RGS6: variants seen among roughly 807,000 people sequenced by gnomAD.
RGS6 encodes the protein regulator of G-protein signaling 6.
RGS6 carries 30 observed loss-of-function variants against 78.5 expected under a neutral mutation model. That is an observed-to-expected ratio of 0.38 (90% CI 0.29 to 0.52). RGS6 has a LOEUF of 0.52. RGS6 is among the 20% of genes least tolerant of loss of function. The pLI, the probability that RGS6 is intolerant of heterozygous loss-of-function variation, is 0.85. For synonymous variants in RGS6, 206 were observed against 206.0 expected (o/e 1.00, Z 0.00); for missense variants, 495 against 609.7 (o/e 0.81, Z 1.98).
At chr14:72,629,711 G>C in the RGS6 span, 2 of 1,536,072 alleles carry the variant, frequency 1.3e-6, no homozygotes, top group Non-Finnish European at 1.7e-6. Flanking sequence ...TCATGTTCAG[G>C]GTAAACTGCA....
At chr14:72,155,376 T>A (rs2096755597) in intron 2 of RGS6, among the ~76,000 whole-genome samples, 1 of 152,204 alleles carries the variant, frequency 6.6e-6, no homozygotes, top group Non-Finnish European at 1.5e-5. Context: ...TTACCTGGAA[T>A]CAAAGACTTG....
At chr14:72,502,503 T>C (rs2096740873) in intron 13 of RGS6, among the ~76,000 whole-genome samples, 1 of 152,174 alleles carries the variant, frequency 6.6e-6, no homozygotes, top group South Asian at 2.1e-4. Flanking sequence ...CGGTGACTTA[T>C]GCCTGTAATC....
At chr14:72,554,175 T>G (rs1166319866) in intron 17 of RGS6, among the ~76,000 whole-genome samples, 1 of 152,238 alleles carries the variant, frequency 6.6e-6, no homozygotes, top group African/African-American at 2.4e-5. Flanking sequence ...ATTGTTATGC[T>G]TTTGTGGGGG....
chr14:72,437,167 CA>C (rs71109735), intron 3 of RGS6, among the ~76,000 whole-genome samples: 20,244 of 74,876 alleles, frequency 0.27, 1,722 homozygotes, highest in East Asian at 0.47. Flanking sequence ...ACTAAAAATA[CA>C]AAAAAAAAAA....
At chr14:71,906,406 C>T in the RGS6 span, among the ~76,000 whole-genome samples, 80 of 152,268 alleles carry the variant, frequency 5.3e-4, no homozygotes, top group South Asian at 6.4e-3. Context: ...GTCAGGGGAA[C>T]GGGGCAGACT....
At chr14:72,237,032 T>G (rs529856947) in intron 2 of RGS6, among the ~76,000 whole-genome samples, 4 of 152,326 alleles carry the variant, frequency 2.6e-5, no homozygotes, top group Non-Finnish European at 5.9e-5. Flanking sequence ...TGGATTACTT[T>G]AGTCTTTCCT....
At chr14:72,496,235 G>A (rs533193283) in intron 13 of RGS6, among the ~76,000 whole-genome samples, 2,781 of 152,102 alleles carry the variant, frequency 0.018, 34 homozygotes, top group Non-Finnish European at 0.028. Context: ...TTCCCAGAGT[G>A]GATCAGAGCA....
At chr14:72,391,816 T>C (rs912503155) in intron 3 of RGS6, among the ~76,000 whole-genome samples, 1 of 152,230 alleles carries the variant, frequency 6.6e-6, no homozygotes, top group Non-Finnish European at 1.5e-5. Flanking sequence ...TTCTCATTGT[T>C]CAACTCCCAC....
chr14:72,172,244 C>T (rs1173669245), intron 2 of RGS6, among the ~76,000 whole-genome samples: 2 of 151,234 alleles, frequency 1.3e-5, no homozygotes, highest in Non-Finnish European at 2.9e-5. Context: ...TAGAACCTCA[C>T]TCAGCAGTCC....
At chr14:72,114,195 G>C (rs990716741) in intron 2 of RGS6, among the ~76,000 whole-genome samples, 4 of 152,100 alleles carry the variant, frequency 2.6e-5, no homozygotes, top group Admixed American at 6.5e-5. Flanking sequence ...CAAAATAGAA[G>C]CACGCCTCTG....
At position 72,544,647 on chromosome 14, in the gene RGS6, G is replaced by A. The variant is rs148644681; in HGVS notation, c.1422+4553G>A. On this transcript the variant is annotated intron_variant, in intron 17 of 17. Coordinates refer to ENST00000553525, the MANE Select transcript of RGS6 (RefSeq NM_001204424.2). ...GGCATGTGATGGGTGGCATCTCTGC[G>A]ACAGGCTTTCCTGTCCTGCCTGCCT... Among the ~76,000 whole-genome samples, 175 of 152,312 alleles carry A rather than the reference G, an allele frequency of 1.1e-3. 1 individual carries two copies. Among genetic ancestry groups the A allele is most frequent in the Middle Eastern group, 3.4e-3 (1 of 294 alleles).
At chr14:72,257,210 T>C (rs1167055207) in intron 2 of RGS6, among the ~76,000 whole-genome samples, 2 of 152,234 alleles carry the variant, frequency 1.3e-5, no homozygotes, top group African/African-American at 4.8e-5. Context: ...GCCATGTTCT[T>C]TGAATCACTA....
intron 2 of RGS6, among the ~76,000 whole-genome samples, chr14:72,091,943 G>A (rs573282883): frequency 1.8e-4 from 28 of 152,330 alleles, no homozygotes; most frequent in Non-Finnish European, 3.1e-4. Context: ...TACTTGGGCT[G>A]TATTACCTTC....
chr14:72,102,890 A>C (rs1339283892), intron 2 of RGS6, among the ~76,000 whole-genome samples: 1 of 152,210 alleles, frequency 6.6e-6, no homozygotes, highest in Non-Finnish European at 1.5e-5. Context: ...ACAAGTTCAC[A>C]CTCAGGGTTC....
chr14:72,175,728 G>A (rs1408868422), intron 2 of RGS6, among the ~76,000 whole-genome samples: 2 of 152,162 alleles, frequency 1.3e-5, no homozygotes, highest in East Asian at 1.9e-4. Context: ...TGAGTGTCAC[G>A]AGACTCCTAG....
the RGS6 span, among the ~76,000 whole-genome samples, chr14:71,883,352 C>G: frequency 6.6e-6 from 1 of 152,146 alleles, no homozygotes; most frequent in Non-Finnish European, 1.5e-5. Context: ...GCCCCTATGT[C>G]CTGGAGTCCA....
intron 12 of RGS6, among the ~76,000 whole-genome samples, chr14:72,481,616 A>G (rs1192580384): frequency 6.6e-6 from 1 of 152,136 alleles, no homozygotes; most frequent in African/African-American, 2.4e-5. Flanking sequence ...TGAGTGCTTA[A>G]GTGTCCCCAA....
rs187641661 is a variant in RGS6, at chr14:72,243,766, T to C, written c.85-108329T>C. Among the ~76,000 whole-genome samples, 499 of 152,198 alleles carry C rather than the reference T, an allele frequency of 3.3e-3. 2 individuals are homozygous for C. Among genetic ancestry groups the C allele is most frequent in the African/African-American group, 0.011 (449 of 41,512 alleles). ...CTAGGAAAAGCACCTTTTTTTTTTT[T>C]CTTGTCTTTATAACCCTGTATCTGT... On this transcript the variant is annotated intron_variant, in intron 2 of 17. Coordinates refer to ENST00000553525, the MANE Select transcript of RGS6 (RefSeq NM_001204424.2).
intron 2 of RGS6, among the ~76,000 whole-genome samples, chr14:72,195,455 C>G (rs1423160728): frequency 6.6e-6 from 1 of 151,988 alleles, no homozygotes; most frequent in Non-Finnish European, 1.5e-5. Flanking sequence ...ATGAGGTCTA[C>G]AAGGATGAGA....
Sources: allele counts gnomAD v4.1 joint callset (sites outside exome capture counted in the v4.1 genomes callset), GRCh38; gene constraint gnomAD v4.1.1; transcripts MANE v1.5; gene names NCBI Gene and HGNC (gene_info 2026-07-23, HGNC 2026-07-21).